The following SLC4A4 variants were observed in gnomAD, a reference collection of about 807,000 sequenced individuals.
The protein encoded by SLC4A4 is solute carrier family 4 member 4, also known as electrogenic sodium bicarbonate cotransporter 1.
SLC4A4 carries 27 observed loss-of-function variants against 111.5 expected under a neutral mutation model. The ratio of observed to expected loss-of-function variants is 0.24; its 90% CI spans 0.18 to 0.33. The LOEUF (loss-of-function observed/expected upper bound fraction) is 0.33, where lower values mean the gene tolerates loss of function less well. SLC4A4 is among the 10% of genes least tolerant of loss of function. The probability of loss-of-function intolerance (pLI) is 1.00; values close to 1 mark genes in which losing one functional copy is unlikely to be tolerated. For synonymous variants in SLC4A4, 443 were observed against 463.4 expected, an observed-to-expected ratio of 0.96 and a Z score of 0.57; for missense variants, 909 against 1,315.5, an observed-to-expected ratio of 0.69 and a Z score of 4.78.
At chr4:71,428,044 CA>C (rs1410936518) in intron 7 of SLC4A4, among the ~76,000 whole-genome samples, 7 of 152,130 alleles carry the variant, frequency 4.6e-5, no homozygotes, top group Non-Finnish European at 1.0e-4. Context: ...TTGAATTTAT[CA>C]AACTCTAATT....
intron 2 of SLC4A4, among the ~76,000 whole-genome samples, chr4:71,244,284 G>C (rs188960818): frequency 6.6e-5 from 10 of 152,234 alleles, no homozygotes; most frequent in African/African-American, 2.4e-4. Context: ...TCTGTTCCTG[G>C]TCTGCCACTG....
At chr4:71,539,298 C>T (rs898078725) in intron 18 of SLC4A4, among the ~76,000 whole-genome samples, 121 of 151,672 alleles carry the variant, frequency 8.0e-4, no homozygotes, top group African/African-American at 2.8e-3. Flanking sequence ...TTTTTAAATG[C>T]TATTCTTGTA....
At chr4:71,270,914 T>C (rs192967621) in intron 3 of SLC4A4, among the ~76,000 whole-genome samples, 3 of 152,318 alleles carry the variant, frequency 2.0e-5, no homozygotes, top group Admixed American at 6.5e-5. Flanking sequence ...ACAAATTAGC[T>C]TGAGATACTT....
chr4:71,290,304 C>A (rs1487328724), intron 3 of SLC4A4, among the ~76,000 whole-genome samples: 1 of 152,096 alleles, frequency 6.6e-6, no homozygotes, highest in African/African-American at 2.4e-5. Flanking sequence ...GAGTTTGGAA[C>A]CTTAGAAGCA....
At chr4:71,090,527 T>A (rs1742358650) in intron 1 of SLC4A4, among the ~76,000 whole-genome samples, 1 of 152,172 alleles carries the variant, frequency 6.6e-6, no homozygotes, top group South Asian at 2.1e-4. Context: ...TAAAAATGTA[T>A]GTGTTAAGAT....
chr4:71,504,620 T>C (rs1371604545), intron 16 of SLC4A4, among the ~76,000 whole-genome samples: 1 of 148,348 alleles, frequency 6.7e-6, no homozygotes, highest in African/African-American at 2.4e-5. Context: ...ATTCTATAAA[T>C]ATTCTTTTTT....
intron 24 of SLC4A4, 76 bp downstream of exon 24, chr4:71,563,965 T>C: frequency 1.1e-6 from 1 of 918,208 alleles, no homozygotes; most frequent in Non-Finnish European, 1.8e-6. Flanking sequence ...AGAATGGCCA[T>C]CTGCATTAAC....
chr4:71,233,722 T>C (rs1578640700), intron 1 of SLC4A4, among the ~76,000 whole-genome samples: 2 of 152,192 alleles, frequency 1.3e-5, no homozygotes, highest in South Asian at 2.1e-4. Flanking sequence ...AGTGGCTAAA[T>C]AGAACTCTTG....
At chr4:71,129,305 G>A (rs116754069) in intron 2 of SLC4A4, among the ~76,000 whole-genome samples, 2,385 of 152,080 alleles carry the variant, frequency 0.016, 23 homozygotes, top group Middle Eastern at 0.045. Context: ...GTGGGCAAAA[G>A]TCACAAACAG....
At chr4:71,421,384 A>G (rs1163084845) in intron 7 of SLC4A4, among the ~76,000 whole-genome samples, 1 of 152,206 alleles carries the variant, frequency 6.6e-6, no homozygotes, top group Non-Finnish European at 1.5e-5. Flanking sequence ...CACATTAATA[A>G]TGGGAGACTT....
At chr4:71,199,798 G>A (rs562152911) in intron 1 of SLC4A4, among the ~76,000 whole-genome samples, 198 of 152,094 alleles carry the variant, frequency 1.3e-3, no homozygotes, top group East Asian at 4.7e-3. Context: ...CTACAGGAGC[G>A]CACCACCATG....
At chr4:71,240,490 T>C (rs1243170114) in intron 2 of SLC4A4, among the ~76,000 whole-genome samples, 2 of 152,176 alleles carry the variant, frequency 1.3e-5, no homozygotes, top group Non-Finnish European at 2.9e-5. Flanking sequence ...AGAGCTATTA[T>C]GCTATATTGT....
At chr4:71,333,350 A>G (rs1354234165) in intron 3 of SLC4A4, among the ~76,000 whole-genome samples, 1 of 151,940 alleles carries the variant, frequency 6.6e-6, no homozygotes, top group African/African-American at 2.4e-5. Flanking sequence ...CCAGGCAGAG[A>G]CTCTTGTTCT....
intron 7 of SLC4A4, 69 bp from the exon 8 acceptor site, chr4:71,440,547 T>C: frequency 6.3e-7 from 1 of 1,578,262 alleles, no homozygotes; most frequent in Non-Finnish European, 8.7e-7. Context: ...TTCCCTTCTC[T>C]GGAACTAATA....
intron 6 of SLC4A4, among the ~76,000 whole-genome samples, chr4:71,396,792 A>C (rs1719855475): frequency 6.6e-6 from 1 of 152,180 alleles, no homozygotes; most frequent in African/African-American, 2.4e-5. Context: ...AAATCATTGG[A>C]TGGATCACCG....
intron 2 of SLC4A4, among the ~76,000 whole-genome samples, chr4:71,155,450 T>C (rs1256866646): frequency 1.3e-5 from 2 of 152,106 alleles, no homozygotes; most frequent in African/African-American, 4.8e-5. Context: ...AGCTCCATGT[T>C]ATGAAAATTT....
intron 2 of SLC4A4, among the ~76,000 whole-genome samples, chr4:71,142,579 G>A (rs1229658741): frequency 2.0e-5 from 3 of 152,074 alleles, no homozygotes; most frequent in Non-Finnish European, 4.4e-5. Context: ...TGTTATCAAT[G>A]TCAGGTATCC....
At chr4:71,554,676 C>A (rs183967272) in intron 20 of SLC4A4, among the ~76,000 whole-genome samples, 2 of 151,740 alleles carry the variant, frequency 1.3e-5, no homozygotes, top group East Asian at 2.0e-4. Flanking sequence ...ATATACCAAG[C>A]TGATAGACTA....
Position 71,255,511 on chromosome 4 carries a change from G to A in SLC4A4, c.253+112G>A, listed in dbSNP as rs557296057. 284 of 1,093,654 alleles carry A rather than the reference G, an allele frequency of 2.6e-4. No homozygotes were observed. The African/African-American group carries it at 3.8e-3, about 14-fold the overall frequency. The allele number at this position is 1,093,654 out of a possible 1,614,324, so 67.7% of individuals were successfully genotyped here. On this transcript the variant is annotated intron_variant, in intron 3 of 25. Coordinates refer to ENST00000264485, the MANE Select transcript of SLC4A4 (RefSeq NM_001098484.3). ...GGGAGGGACACTGTAATACTGAGAT[G>A]TTTAGAATCTGTTCTAAAGGATAAT...
Sources: allele counts gnomAD v4.1 joint callset (sites outside exome capture counted in the v4.1 genomes callset), GRCh38; gene constraint gnomAD v4.1.1; transcripts MANE v1.5; gene names NCBI Gene and HGNC (gene_info 2026-07-23, HGNC 2026-07-21).